The following GOLGA2 variants were observed in gnomAD, a reference collection of about 807,000 sequenced individuals.
The protein encoded by GOLGA2 is golgin subfamily A member 2.
A neutral mutation model predicts 148.8 loss-of-function variants in GOLGA2; 49 were observed. The observed-to-expected ratio is 0.33, with a 90% CI of 0.26 to 0.42. The LOEUF is 0.42. Among genes scored for constraint, GOLGA2 ranks in the 10% least tolerant of loss-of-function variants. The pLI is 1.00. For synonymous variants in GOLGA2, 501 were observed against 511.8 expected, an observed-to-expected ratio of 0.98 and a Z score of 0.28; for missense variants, 1,178 against 1,304.6, an observed-to-expected ratio of 0.90 and a Z score of 1.49.
At position 128,261,579 on chromosome 9, in the gene GOLGA2, G is replaced by T. The variant is rs367558166; in HGVS notation, c.1225-18C>A. 2 of 1,545,046 alleles carry T rather than the reference G, an allele frequency of 1.3e-6. No individual in the cohort carries two copies. The highest frequency in any genetic ancestry group is 1.4e-5 in the African/African-American group (1 of 73,546). On this transcript the variant is annotated intron_variant, in intron 15 of 26. Transcript: ENST00000611957. The surrounding 1 kb of genome is among the most constrained non-coding windows in gnomAD (Gnocchi z 5.7). ...TCCATTACCTGCAAGAATGGCCACA[G>T]AAATGAGGAAGGACTGTCACTGGTT...
In GOLGA2 at chr9:128,260,762, C is replaced by G; in HGVS notation, c.1461G>C (p.Glu487Asp). 3.7e-6 allele frequency: 6 copies of G among 1,612,254 alleles called. No homozygotes were observed. The highest frequency in any genetic ancestry group is 5.1e-6 in the Non-Finnish European group (6 of 1,179,570). Reference sequence around the variant, plus strand: ...CCTCCGCTTGTAGCTGCTGCTCCACCTCGGAGGGCCCTGCTGGGGGCTCTG... The same window carrying G: ...CCTCCGCTTGTAGCTGCTGCTCCACGTCGGAGGGCCCTGCTGGGGGCTCTG... The part of the protein sequence containing the change: ...PPPEPPAGPS[E>D]VEQQLQAEAE... The change falls in exon 18 of 27, where the codon GAG (glutamate) becomes GAC (aspartate). Residue 487 changes from glutamate to aspartate, a missense_variant. This residue lies in a region of GOLGA2 where 529 missense variants were observed against 521.8 expected (regional missense o/e 1.01). Coordinates refer to ENST00000611957, the MANE Select transcript of GOLGA2 (RefSeq NM_001366244.2). This position sits in a 1 kb window ranked among gnomAD's most constrained non-coding sequence, Gnocchi z 4.8.
chr9:128,275,668 C>A (rs1002268389), intron 1 of GOLGA2, among the ~76,000 whole-genome samples: 14 of 152,194 alleles, frequency 9.2e-5, no homozygotes, highest in Admixed American at 7.8e-4. Context: ...GAGCGGGGAG[C>A]CCCGGGAGCA....
At chr9:128,262,909 C>T in intron 13 of GOLGA2, 125 bp downstream of exon 13, 1 of 825,062 alleles carries the variant, frequency 1.2e-6, no homozygotes, top group South Asian at 1.4e-5. Flanking sequence ...GGCACTAGAG[C>T]TTTGCTGGGC....
At position 128,267,982 on chromosome 9, in the gene GOLGA2, G is replaced by T. The variant is rs113956312; in HGVS notation, c.453C>A (p.Thr151=). ...GTTGGGAGAGTTGTCGCAGGCTCTC[G>T]GTTGATGAGAAAGTCCTAGGGATGG... ...LMDETKTFSS[T]ESLRQLSQQL... is the part of the protein sequence containing the mutation. The change falls in exon 6 of 27, where the codon ACC becomes ACA. Residue 151 remains threonine (T), a synonymous_variant. Coordinates refer to ENST00000611957, the MANE Select transcript of GOLGA2 (RefSeq NM_001366244.2). 6.2e-7 allele frequency: 1 copy of T among 1,613,868 alleles called. No homozygotes were observed. Among genetic ancestry groups the T allele is most frequent in the Non-Finnish European group, 8.5e-7 (1 of 1,179,844 alleles).
In GOLGA2 at chr9:128,260,580, C is replaced by G. The variant is rs1564363687; in HGVS notation, c.1643G>C (p.Arg548Pro). 1 of 1,611,668 alleles carries G rather than the reference C, an allele frequency of 6.2e-7. No individual in the cohort carries two copies. The highest frequency in any genetic ancestry group is 1.1e-5 in the South Asian group (1 of 91,082). Residue 548 changes from arginine to proline, a missense_variant, in exon 18 of 27, where the codon CGC becomes CCC. By Grantham distance (103) the Arg-to-Pro change is moderately radical (BLOSUM62 -2). Transcript: ENST00000611957. This position sits in a 1 kb window ranked among gnomAD's most constrained non-coding sequence, Gnocchi z 4.8. ...AELWGEQAEARRQILETMQND... is the reference protein window; with the variant it reads ...AELWGEQAEAPRQILETMQND... ...CTGCATGGTCTCCAGGATTTGCCTGCGCGCCTCCGCCTGCTCCCCCCAGAG... is the reference window on the plus strand; with the variant it reads ...CTGCATGGTCTCCAGGATTTGCCTGGGCGCCTCCGCCTGCTCCCCCCAGAG...
chr9:128,257,137 C>T lies in GOLGA2; in HGVS notation c.3020G>A (p.Gly1007Asp), dbSNP rs780541230. ...AAAAAAAGGAATGCAGGGGTTGCTG[C>T]CCAAGCCTGGGCGCTCCCGGGGGTT... ...MQNPRERPGL[G>D]SNPCIPFFYR... is the part of the protein sequence containing the mutation. The change falls in exon 27 of 27, where the codon GGC (glycine) becomes GAC (aspartate). Residue 1007 changes from glycine (G) to aspartate (D), a missense_variant. Transcript: ENST00000611957. The surrounding 1 kb of genome is among the most constrained non-coding windows in gnomAD (Gnocchi z 8.0). The T allele has an allele frequency of 1.9e-6, 3 of 1,614,178 alleles. No homozygotes were observed. Among genetic ancestry groups the T allele is most frequent in the East Asian group, 2.2e-5 (1 of 44,874 alleles).
Position 128,256,292 on chromosome 9 carries a change from G to A in GOLGA2, c.*775C>T, listed in dbSNP as rs1341784620. 1 of 152,218 alleles carries A rather than the reference G, an allele frequency of 6.6e-6. No homozygotes were observed. The highest frequency in any genetic ancestry group is 1.5e-5 in the Non-Finnish European group (1 of 68,070). The allele number at this position is 152,218 out of a possible 1,614,324, so 9.4% of individuals were successfully genotyped here. ...AATCATCATCATCCAGAAATTTAAG[G>A]AGTCAGCCCTGGCCAAGGTGGCTAA... On this transcript the variant is annotated 3_prime_UTR_variant, in exon 27 of 27. Transcript: ENST00000611957.
chr9:128,259,525 C>T, intron 19 of GOLGA2, 134 bp from the exon 20 acceptor site: 2 of 620,056 alleles, frequency 3.2e-6, no homozygotes, highest in Non-Finnish European at 2.8e-6. Context: ...GACTGCCTCC[C>T]TTGTCTAGAG....
chr9:128,268,305 C>G lies in GOLGA2; in HGVS notation c.393+115G>C, dbSNP rs531137714. On this transcript the variant is annotated intron_variant, in intron 4 of 26. Coordinates refer to ENST00000611957, the MANE Select transcript of GOLGA2 (RefSeq NM_001366244.2). ...AAAAAGCCCAGTCTGAGCCTTCCCC[C>G]GGCCCGGTCCCCAGGAAGGGCCCTT... 9 of 1,035,122 alleles carry G rather than the reference C, an allele frequency of 8.7e-6. No homozygotes were observed. The African/African-American group carries it at 1.4e-4, about 16-fold the overall frequency. The allele number at this position is 1,035,122 out of a possible 1,614,324, so 64.1% of individuals were successfully genotyped here.
Position 128,260,381 on chromosome 9 carries a change from C to T in GOLGA2, c.1758+84G>A. On this transcript the variant is annotated intron_variant, in intron 18 of 26. Transcript: ENST00000611957. The surrounding 1 kb of genome is among the most constrained non-coding windows in gnomAD (Gnocchi z 4.8). ...CCAGAAGTACCATTTCAAGTGAGGGCTACACTGCCCCACTTTACAGGTGGG... is the reference window on the plus strand; with the variant it reads ...CCAGAAGTACCATTTCAAGTGAGGGTTACACTGCCCCACTTTACAGGTGGG... 8.3e-7 allele frequency: 1 copy of T among 1,211,208 alleles called. No homozygotes were observed. The highest frequency in any genetic ancestry group is 1.7e-5 in the Admixed American group (1 of 57,230). The allele number at this position is 1,211,208 out of a possible 1,614,324, so 75.0% of individuals were successfully genotyped here. A position where few individuals can be genotyped will look rare whatever the true frequency, so the allele number is the denominator to read the frequency against.
chr9:128,268,371 G>T, intron 4 of GOLGA2, 49 bp downstream of exon 4: 1 of 1,108,416 alleles, frequency 9.0e-7, no homozygotes, highest in Non-Finnish European at 1.4e-6. Context: ...AGAAGATAAT[G>T]CATAATAGGT....
chr9:128,275,007 G>A (rs1831219674), intron 1 of GOLGA2, among the ~76,000 whole-genome samples: 1 of 152,192 alleles, frequency 6.6e-6, no homozygotes, highest in African/African-American at 2.4e-5. Context: ...TCGAATATGA[G>A]GTGGAGAAGT....
Position 128,257,106 on chromosome 9 carries a change from C to T in GOLGA2, c.3051G>A (p.Arg1017=). 6.2e-7 allele frequency: 1 copy of T among 1,614,024 alleles called. No homozygotes were observed. The highest frequency in any genetic ancestry group is 8.5e-7 in the Non-Finnish European group (1 of 1,179,960). ...TCTTCACCTCATCATTCTCGTCAGCCCGGTAAAAAAAAGGAATGCAGGGGT... is the reference window on the plus strand; with the variant it reads ...TCTTCACCTCATCATTCTCGTCAGCTCGGTAAAAAAAAGGAATGCAGGGGT... The part of the protein sequence containing the change: ...GSNPCIPFFY[R]ADENDEVKIT... The change falls in exon 27 of 27, where the codon CGG becomes CGA. Residue 1017 remains arginine (R), a synonymous_variant. Transcript: ENST00000611957. This position sits in a 1 kb window ranked among gnomAD's most constrained non-coding sequence, Gnocchi z 8.0.
At chr9:128,259,469 C>T (rs1830120472) in intron 19 of GOLGA2, 78 bp from the exon 20 acceptor site, 1 of 882,870 alleles carries the variant, frequency 1.1e-6, no homozygotes, top group Non-Finnish European at 1.8e-6. Context: ...GTAGCGAGGG[C>T]TCTGTCACCT....
rs765270591 is a variant in GOLGA2 at position 128,259,401 on chromosome 9, G to A, written c.1873-10C>T. The A allele has an allele frequency of 5.2e-6, 8 of 1,546,578 alleles. No homozygotes were observed. In the East Asian group the frequency reaches 1.9e-4, roughly 36 times the overall value. On this transcript the variant is annotated splice_polypyrimidine_tract_variant and intron_variant, in intron 19 of 26. Transcript: ENST00000611957. ...GGCTCTTCAGCTCCACCTGTAGGAA[G>A]ACCCTGGGCGTGAGGGCAGGTGGTG...
Position 128,258,230 on chromosome 9 carries a change from G to T in GOLGA2, c.2290-32C>A. The stretch of plus-strand genomic sequence containing the variant: ...GCAAGAGGGGTGCATTCTTGTAGGA[G>T]GATATATAGGATGAACAGGGCAGGG... On this transcript the variant is annotated intron_variant, in intron 22 of 26. Coordinates refer to ENST00000611957, the MANE Select transcript of GOLGA2 (RefSeq NM_001366244.2). The surrounding 1 kb of genome is among the most constrained non-coding windows in gnomAD (Gnocchi z 6.6). 1 of 1,487,766 alleles carries T rather than the reference G, an allele frequency of 6.7e-7. No homozygotes were observed. Among genetic ancestry groups the T allele is most frequent in the Non-Finnish European group, 9.2e-7 (1 of 1,091,580 alleles). 92.2% of individuals were successfully genotyped at this position (1,487,766 alleles called of 1,614,324 possible).
At chr9:128,273,661 T>C (rs1481883232) in intron 2 of GOLGA2, 189 bp downstream of exon 2, 1 of 636,402 alleles carries the variant, frequency 1.6e-6, no homozygotes, top group East Asian at 2.7e-5. Flanking sequence ...CAATACTTTA[T>C]AGTTGTGAAA....
At chr9:128,262,778 C>A in intron 13 of GOLGA2, 74 bp from the exon 14 acceptor site, 1 of 1,398,464 alleles carries the variant, frequency 7.2e-7, no homozygotes. Flanking sequence ...ACCCTCTACC[C>A]TTGCCCCACA....
chr9:128,260,712 T>C lies in GOLGA2; in HGVS notation c.1511A>G (p.Glu504Gly). ...AEAEHLRKEL[E>G]GLAGQLQAQV... The stretch of plus-strand genomic sequence containing the variant: ...GGCTTGAAGCTGTCCTGCCAGACCC[T>C]CCAGCTCCTTCCGCAGGTGCTCAGC... Residue 504 changes from glutamate to glycine, a missense_variant, in exon 18 of 27, where the codon GAG becomes GGG. Coordinates refer to ENST00000611957, the MANE Select transcript of GOLGA2 (RefSeq NM_001366244.2). This position sits in a 1 kb window ranked among gnomAD's most constrained non-coding sequence, Gnocchi z 4.8. The C allele has an allele frequency of 6.2e-7, 1 of 1,613,372 alleles. No individual in the cohort carries two copies. Among genetic ancestry groups the C allele is most frequent in the Non-Finnish European group, 8.5e-7 (1 of 1,179,878 alleles).
Sources: allele counts gnomAD v4.1 joint callset (sites outside exome capture counted in the v4.1 genomes callset), GRCh38; gene constraint gnomAD v4.1.1; regional missense constraint gnomAD v4.1.1; non-coding constraint Gnocchi (gnomAD v3.1); transcripts MANE v1.5; gene names NCBI Gene and HGNC (gene_info 2026-07-23, HGNC 2026-07-21).